The following CCDC138 variants were observed in gnomAD, a reference collection of about 807,000 sequenced individuals.
CCDC138 encodes coiled-coil domain-containing protein 138.
A neutral mutation model predicts 82.3 loss-of-function variants in CCDC138; 66 were observed. That is an observed-to-expected ratio of 0.80 (90% confidence interval 0.66 to 0.98). CCDC138 has a LOEUF of 0.98. Among genes scored for constraint, CCDC138 ranks in the 50% least tolerant of loss-of-function variants. CCDC138 has a pLI of 0.00. For synonymous variants in CCDC138, 297 were observed against 265.4 expected, an observed-to-expected ratio of 1.12 and a Z score of -1.16; for missense variants, 816 against 758.9, an observed-to-expected ratio of 1.08 and a Z score of -0.88.
Position 108,824,516 on chromosome 2 carries a change from T to C in CCDC138, c.1206+8411T>C, listed in dbSNP as rs577314832. The stretch of plus-strand genomic sequence containing the variant: ...GGTCTTCGGGGCAATAACACACATA[T>C]AGCTATCAGCTCCTATGATAACAAT... On this transcript the variant is annotated intron_variant, in intron 10 of 14. Coordinates refer to ENST00000295124, the MANE Select transcript of CCDC138 (RefSeq NM_144978.3). Among the ~76,000 whole-genome samples the C allele has an allele frequency of 8.5e-5, 13 of 152,310 alleles. No homozygotes were observed. In the South Asian group the frequency reaches 2.7e-3, roughly 32 times the overall value.
At chr2:108,850,273 T>C (rs1691231860) in intron 12 of CCDC138, among the ~76,000 whole-genome samples, 1 of 152,190 alleles carries the variant, frequency 6.6e-6, no homozygotes, top group African/African-American at 2.4e-5. Flanking sequence ...ATAAATTTAG[T>C]AGAAAATGAG....
chr2:108,835,346 C>T (rs578080858), intron 10 of CCDC138, among the ~76,000 whole-genome samples: 13 of 152,090 alleles, frequency 8.5e-5, no homozygotes, highest in African/African-American at 3.1e-4. Context: ...TCATCTCAGC[C>T]GTGAGCTCAA....
intron 10 of CCDC138, among the ~76,000 whole-genome samples, chr2:108,838,914 A>C (rs1390463883): frequency 6.6e-6 from 1 of 152,186 alleles, no homozygotes; most frequent in African/African-American, 2.4e-5. Context: ...AACTTATTTA[A>C]TCATTTAAGG....
chr2:108,830,206 T>C (rs1687325615), intron 10 of CCDC138, among the ~76,000 whole-genome samples: 1 of 152,160 alleles, frequency 6.6e-6, no homozygotes, highest in Admixed American at 6.5e-5. Context: ...GTACCTAGAA[T>C]AGTCAAATTT....
Position 108,812,865 on chromosome 2 carries a change from C to A in CCDC138, c.979C>A (p.His327Asn). The A allele has an allele frequency of 6.2e-7, 1 of 1,613,458 alleles. No individual in the cohort carries two copies. The highest frequency in any genetic ancestry group is 1.1e-5 in the South Asian group (1 of 91,054). The stretch of plus-strand genomic sequence containing the variant: ...AATACAGAGATTGAAAGGAAGTTCC[C>A]ATGCTGTTCATGAAATGAAAAGTTT... The part of the protein sequence containing the change: ...MTIQRLKGSS[H>N]AVHEMKSLKQ... Residue 327 changes from histidine (H) to asparagine (N), a missense_variant, in exon 9 of 15, where the codon CAT becomes AAT. By Grantham distance (68) the His-to-Asn change is moderately conservative. Coordinates refer to ENST00000295124, the MANE Select transcript of CCDC138 (RefSeq NM_144978.3).
chr2:108,812,316 TC>T (rs1277235258), intron 7 of CCDC138, among the ~76,000 whole-genome samples: 1 of 152,186 alleles, frequency 6.6e-6, no homozygotes, highest in African/African-American at 2.4e-5. Flanking sequence ...TTTATACTTT[TC>T]TTTATATGTG....
intron 1 of CCDC138, among the ~76,000 whole-genome samples, chr2:108,881,814 G>A (rs1696299481): frequency 6.6e-6 from 1 of 152,090 alleles, no homozygotes; most frequent in Non-Finnish European, 1.5e-5. Context: ...ACATGGGTGT[G>A]GTTCTTGGCA....
intron 2 of CCDC138, among the ~76,000 whole-genome samples, chr2:108,788,510 G>T (rs1182471474): frequency 6.6e-6 from 1 of 152,036 alleles, no homozygotes; most frequent in Non-Finnish European, 1.5e-5. Flanking sequence ...GAGGTCAGGA[G>T]ATGGAGACCA....
chr2:108,859,308 G>A (rs1383598857), intron 13 of CCDC138, among the ~76,000 whole-genome samples: 2 of 152,030 alleles, frequency 1.3e-5, no homozygotes, highest in African/African-American at 4.8e-5. Context: ...GTCCTTTGTT[G>A]GATGCAGAAT....
chr2:108,845,401 G>A (rs1030677832), intron 11 of CCDC138, among the ~76,000 whole-genome samples: 1 of 152,042 alleles, frequency 6.6e-6, no homozygotes, highest in Non-Finnish European at 1.5e-5. Flanking sequence ...TCAATACTGA[G>A]TTAGGAACCA....
intron 9 of CCDC138, 147 bp downstream of exon 9, chr2:108,813,074 C>T (rs2149845005): frequency 3.5e-6 from 2 of 566,320 alleles, no homozygotes; most frequent in Admixed American, 3.3e-5. Flanking sequence ...ATGGTGAAAC[C>T]CCGTTTCTAC....
chr2:108,816,434 G>C (rs1295223336), intron 10 of CCDC138, among the ~76,000 whole-genome samples: 1 of 152,174 alleles, frequency 6.6e-6, no homozygotes, highest in African/African-American at 2.4e-5. Flanking sequence ...CTGGGCAACA[G>C]AGCAAGACTC....
chr2:108,800,196 A>G (rs1042651776), intron 6 of CCDC138, among the ~76,000 whole-genome samples: 19 of 152,138 alleles, frequency 1.2e-4, no homozygotes, highest in African/African-American at 3.9e-4. Flanking sequence ...TTTGGGTTCT[A>G]TTGTTACCTT....
rs777532596 is a variant in CCDC138 at position 108,786,882 on chromosome 2, C to A, written c.60C>A (p.Ser20Arg). Residue 20 changes from serine to arginine, a missense_variant, in exon 1 of 15, where the codon AGC becomes AGA. Physicochemically the swap from Ser to Arg is moderately radical, Grantham distance 110 (BLOSUM62 -1). Coordinates refer to ENST00000295124, the MANE Select transcript of CCDC138 (RefSeq NM_144978.3). The part of the protein sequence containing the change: ...GQDLVVESLK[S>R]RYGLGGSCPD... ...ATTTAGTAGTGGAGAGTCTCAAAAG[C>A]CGCTACGGACTCGGGGGCAGCTGCC... The A allele has an allele frequency of 3.8e-6, 6 of 1,569,048 alleles. No individual in the cohort carries two copies. The highest frequency in any genetic ancestry group is 1.4e-5 in the African/African-American group (1 of 71,472).
At position 108,843,490 on chromosome 2, in the gene CCDC138, G is replaced by A. The variant is rs756520651; in HGVS notation, c.1324-3248G>A. 5.4e-4 allele frequency among the ~76,000 whole-genome samples: 83 copies of A among 152,296 alleles called. 1 individual carries two copies. Among genetic ancestry groups the A allele is most frequent in the Middle Eastern group, 3.4e-3 (1 of 294 alleles). ...GGTTTGCTGATGACACAAACTCTTA[G>A]TTTTTCTTAACATATTTTGATTTCC... On this transcript the variant is annotated intron_variant, in intron 11 of 14. Coordinates refer to ENST00000295124, the MANE Select transcript of CCDC138 (RefSeq NM_144978.3).
intron 12 of CCDC138, among the ~76,000 whole-genome samples, chr2:108,848,096 C>G (rs192463549): frequency 2.6e-5 from 4 of 152,096 alleles, no homozygotes; most frequent in Non-Finnish European, 4.4e-5. Flanking sequence ...CACTAAAGAT[C>G]AAATAATATT....
intron 7 of CCDC138, among the ~76,000 whole-genome samples, chr2:108,807,594 T>C (rs1181767951): frequency 1.3e-5 from 2 of 152,184 alleles, no homozygotes; most frequent in African/African-American, 4.8e-5. Flanking sequence ...CTAGAACTTA[T>C]TCCTCTTATC....
chr2:108,815,916 A>G (rs1684705887), intron 9 of CCDC138, 25 bp from the exon 10 acceptor site: 1 of 1,570,900 alleles, frequency 6.4e-7, no homozygotes, highest in South Asian at 1.2e-5. Context: ...GAACTGAAAT[A>G]AATGATTTAA....
intron 13 of CCDC138, among the ~76,000 whole-genome samples, chr2:108,868,888 G>A (rs1256467101): frequency 6.6e-6 from 1 of 151,996 alleles, no homozygotes; most frequent in Admixed American, 6.6e-5. Context: ...TCCATGAAGT[G>A]CCTACCTTTT....
Sources: gnomAD v4.1 joint callset for allele counts (sites outside exome capture counted in the v4.1 genomes callset) on GRCh38, gnomAD v4.1.1 for gene constraint, MANE v1.5 for transcripts, NCBI Gene and HGNC (gene_info 2026-07-23, HGNC 2026-07-21) for gene names.